CCDC63: variants seen among roughly 807,000 people sequenced by gnomAD.
CCDC63 encodes the protein coiled-coil domain containing 63.
In CCDC63, 54 loss-of-function variants were observed where a neutral mutation model predicts 63.6. The ratio of observed to expected loss-of-function variants is 0.85; its 90% CI spans 0.68 to 1.07. CCDC63 has a LOEUF of 1.07. Ranked by LOEUF, CCDC63 falls within the 50% of genes least tolerant of loss-of-function variation. The pLI, the probability that CCDC63 is intolerant of heterozygous loss-of-function variation, is 0.00. For synonymous variants in CCDC63, 253 were observed against 266.1 expected, an observed-to-expected ratio of 0.95 and a Z score of 0.48; for missense variants, 637 against 689.6, an observed-to-expected ratio of 0.92 and a Z score of 0.86.
intron 4 of CCDC63, among the ~76,000 whole-genome samples, chr12:110,873,389 G>A (rs1175838597): frequency 1.3e-5 from 2 of 152,162 alleles, no homozygotes; most frequent in South Asian, 2.1e-4. Flanking sequence ...GTGACCTCTC[G>A]TGACCCACCC....
At chr12:110,904,476 C>G (rs1438787360) in intron 10 of CCDC63, 112 bp from the exon 11 acceptor site, 1 of 855,356 alleles carries the variant, frequency 1.2e-6, no homozygotes, top group African/African-American at 1.7e-5. Context: ...CCAGATCCCG[C>G]ACCTCCTGTA....
chr12:110,885,664 C>T (rs1295886685), intron 8 of CCDC63, among the ~76,000 whole-genome samples: 1 of 152,190 alleles, frequency 6.6e-6, no homozygotes, highest in Non-Finnish European at 1.5e-5. Context: ...AAATCCTGCT[C>T]ATTAGTCCTG....
Position 110,907,276 on chromosome 12 carries a change from C to T in CCDC63, c.1547-55C>T. Reference sequence around the variant, plus strand: ...TGGAGGGACGCCAAACCAGGCTTAGCCCCAGCCCTGGGGTTGATTTCCCAG... The same window carrying T: ...TGGAGGGACGCCAAACCAGGCTTAGTCCCAGCCCTGGGGTTGATTTCCCAG... On this transcript the variant is annotated intron_variant, in intron 11 of 11. Transcript: ENST00000308208. The surrounding 1 kb of genome is among the most constrained non-coding windows in gnomAD (Gnocchi z 4.4). 1 of 1,578,984 alleles carries T rather than the reference C, an allele frequency of 6.3e-7. No individual in the cohort carries two copies. The highest frequency in any genetic ancestry group is 8.6e-7 in the Non-Finnish European group (1 of 1,162,244).
intron 3 of CCDC63, among the ~76,000 whole-genome samples, chr12:110,856,076 CT>C (rs1181919290): frequency 0.015 from 2,194 of 143,986 alleles, 44 homozygotes; most frequent in African/African-American, 0.051. Context: ...CTGAAAACCT[CT>C]TTTTTTTTTC....
At position 110,898,861 on chromosome 12, in the gene CCDC63, C is replaced by T. The variant is rs568319352; in HGVS notation, c.1150-72C>T. The stretch of plus-strand genomic sequence containing the variant: ...AAAACCCGCAGTTTGGAGACCCTGA[C>T]CCCAGAGGGTCCCAAACACCCTGCC... On this transcript the variant is annotated intron_variant, in intron 9 of 11. Coordinates refer to ENST00000308208, the MANE Select transcript of CCDC63 (RefSeq NM_152591.3). 5 of 1,293,944 alleles carry T rather than the reference C, an allele frequency of 3.9e-6. No homozygotes were observed. In the East Asian group the frequency reaches 1.3e-4, roughly 33 times the overall value. The allele number at this position is 1,293,944 out of a possible 1,614,324, so 80.2% of individuals were successfully genotyped here.
chr12:110,867,758 C>G (rs2070990075), intron 4 of CCDC63, among the ~76,000 whole-genome samples: 2 of 140,106 alleles, frequency 1.4e-5, no homozygotes, highest in Admixed American at 7.0e-5. Flanking sequence ...GGGGCTGACC[C>G]CCCCATCTCC....
intron 8 of CCDC63, among the ~76,000 whole-genome samples, chr12:110,885,268 T>C (rs1163049223): frequency 6.6e-6 from 1 of 152,054 alleles, no homozygotes; most frequent in Non-Finnish European, 1.5e-5. Flanking sequence ...TGACCCTTGT[T>C]AATCAACAGT....
chr12:110,899,269 C>T, intron 10 of CCDC63, 144 bp downstream of exon 10: 1 of 691,872 alleles, frequency 1.4e-6, no homozygotes, highest in South Asian at 2.1e-5. Flanking sequence ...GGTTTGAATC[C>T]TGGGTCTACA....
chr12:110,904,425 G>A (rs1410671873), intron 10 of CCDC63, among the ~76,000 whole-genome samples, 163 bp from the exon 11 acceptor site: 2 of 152,022 alleles, frequency 1.3e-5, no homozygotes, highest in African/African-American at 4.8e-5. Flanking sequence ...TGTTGAGAAT[G>A]CATAGTGACG....
Position 110,881,288 on chromosome 12 carries a change from G to A in CCDC63, c.845G>A (p.Arg282Lys). Residue 282 changes from arginine (R) to lysine (K), a missense_variant, in exon 7 of 12, where the codon AGG becomes AAG. Physicochemically the swap from Arg to Lys is conservative, Grantham distance 26. Transcript: ENST00000308208. Reference protein sequence around the residue: ...DRNEFEEQAKREEALKAKKHV... With the variant: ...DRNEFEEQAKKEEALKAKKHV... Reference sequence around the variant, plus strand: ...AATGAATTCGAGGAGCAGGCCAAAAGGGAGGAAGGTACACCCTCCAGGAGC... The same window carrying A: ...AATGAATTCGAGGAGCAGGCCAAAAAGGAGGAAGGTACACCCTCCAGGAGC... 3.7e-6 allele frequency: 6 copies of A among 1,613,282 alleles called. No individual in the cohort carries two copies. Among genetic ancestry groups the A allele is most frequent in the Non-Finnish European group, 5.1e-6 (6 of 1,179,664 alleles).
At chr12:110,888,677 C>T (rs1249748826) in intron 8 of CCDC63, among the ~76,000 whole-genome samples, 1 of 152,202 alleles carries the variant, frequency 6.6e-6, no homozygotes, top group East Asian at 1.9e-4. Context: ...TGGAAAGCAA[C>T]TAAGGATGGA....
chr12:110,886,712 G>C (rs2071284646), intron 8 of CCDC63, among the ~76,000 whole-genome samples: 1 of 152,148 alleles, frequency 6.6e-6, no homozygotes, highest in African/African-American at 2.4e-5. Context: ...CCAAGCACAA[G>C]GAAGCCCATT....
In CCDC63 at chr12:110,889,007, G is replaced by A. The variant is rs2071324418; in HGVS notation, c.1075-4069G>A. On this transcript the variant is annotated intron_variant, in intron 8 of 11. Transcript: ENST00000308208. The surrounding 1 kb of genome is among the most constrained non-coding windows in gnomAD (Gnocchi z 4.1). ...TCATCTCAGCCTCCAGAGTGGCTGG[G>A]ACTACAGGCACACACCACCACACCC... 6.6e-6 allele frequency among the ~76,000 whole-genome samples: 1 copy of A among 152,006 alleles called. No homozygotes were observed. The highest frequency in any genetic ancestry group is 1.5e-5 in the Non-Finnish European group (1 of 68,028).
intron 9 of CCDC63, among the ~76,000 whole-genome samples, chr12:110,895,970 T>A (rs1381618579): frequency 6.6e-6 from 1 of 152,186 alleles, no homozygotes; most frequent in Non-Finnish European, 1.5e-5. Context: ...ATTCCTCATC[T>A]GAAAACTAGG....
Position 110,880,020 on chromosome 12 carries a change from T to C in CCDC63, c.604T>C (p.Cys202Arg). 6.2e-7 allele frequency: 1 copy of C among 1,614,184 alleles called. No homozygotes were observed. Among genetic ancestry groups the C allele is most frequent in the Non-Finnish European group, 8.5e-7 (1 of 1,180,010 alleles). The stretch of plus-strand genomic sequence containing the variant: ...CAATGTCTACCAGCAGCTCCAGCAC[T>C]GCCTGTTGATGGAGAAGAAAACCAT... ...YDNVYQQLQH[C>R]LLMEKKTMNL... is the part of the protein sequence containing the mutation. Residue 202 changes from cysteine to arginine, a missense_variant, in exon 6 of 12, where the codon TGC becomes CGC. By Grantham distance (180) the Cys-to-Arg change is radical. Transcript: ENST00000308208.
chr12:110,845,385 G>C (rs139398044), upstream of CCDC63, among the ~76,000 whole-genome samples: 717 of 152,192 alleles, frequency 4.7e-3, 5 homozygotes, highest in South Asian at 0.025. Flanking sequence ...AAAAGCGTGG[G>C]GCTCCAGAGA....
intron 5 of CCDC63, among the ~76,000 whole-genome samples, 181 bp downstream of exon 5, chr12:110,874,142 G>A (rs995349488): frequency 6.6e-6 from 1 of 151,680 alleles, no homozygotes; most frequent in Non-Finnish European, 1.5e-5. Flanking sequence ...CTTAGCAAAT[G>A]CGGTTATCCC....
chr12:110,906,817 G>T lies in CCDC63; in HGVS notation c.1547-514G>T, dbSNP rs75295329. Among the ~76,000 whole-genome samples, 652 of 152,284 alleles carry T rather than the reference G, an allele frequency of 4.3e-3. 38 individuals are homozygous for T. The East Asian group carries it at 0.12, about 29-fold the overall frequency. On this transcript the variant is annotated intron_variant, in intron 11 of 11. Coordinates refer to ENST00000308208, the MANE Select transcript of CCDC63 (RefSeq NM_152591.3). ...GTTGGGGGGAGAGGTGGGCCAAGCTGCTGGTTAAGTCGTCCTCACAAGGTC... is the reference window on the plus strand; with the variant it reads ...GTTGGGGGGAGAGGTGGGCCAAGCTTCTGGTTAAGTCGTCCTCACAAGGTC...
At chr12:110,904,304 G>A (rs2071528873) in intron 10 of CCDC63, among the ~76,000 whole-genome samples, 1 of 150,036 alleles carries the variant, frequency 6.7e-6, no homozygotes, top group Non-Finnish European at 1.5e-5. Flanking sequence ...TCATGCCACT[G>A]CACTTCAGCC....
Sources: gnomAD v4.1 joint callset for allele counts (sites outside exome capture counted in the v4.1 genomes callset) on GRCh38, gnomAD v4.1.1 for gene constraint, Gnocchi (gnomAD v3.1) non-coding constraint, MANE v1.5 for transcripts, NCBI Gene and HGNC (gene_info 2026-07-23, HGNC 2026-07-21) for gene names.